The following ECT2L variants were observed in gnomAD, a reference collection of about 807,000 sequenced individuals.
The protein encoded by ECT2L is epithelial cell-transforming sequence 2 oncogene-like.
ECT2L carries 126 observed loss-of-function variants against 122.8 expected under a neutral mutation model. The ratio of observed to expected loss-of-function variants is 1.03; its 90% CI spans 0.89 to 1.19. The LOEUF is 1.19. Ranked by LOEUF, ECT2L falls within the 50% of genes most tolerant of loss-of-function variation. ECT2L has a pLI of 0.00. For missense variants in ECT2L, 1,012 were observed against 1,064.1 expected, an observed-to-expected ratio of 0.95 and a Z score of 0.68; for synonymous variants, 385 against 381.8, an observed-to-expected ratio of 1.01 and a Z score of -0.10.
intron 4 of ECT2L, among the ~76,000 whole-genome samples, chr6:138,832,297 C>T (rs17067944): frequency 0.07 from 10,538 of 151,564 alleles, 674 homozygotes; most frequent in East Asian, 0.27. Flanking sequence ...CTTTCATTAC[C>T]TTCAGTTCTG....
At chr6:138,881,531 T>C (rs954118750) in intron 15 of ECT2L, among the ~76,000 whole-genome samples, 7 of 151,924 alleles carry the variant, frequency 4.6e-5, no homozygotes, top group Non-Finnish European at 4.4e-5. Flanking sequence ...ATTACAGTTA[T>C]TGTGCACTTT....
chr6:138,873,872 C>CTGTGTGTG (rs57839466), intron 13 of ECT2L, among the ~76,000 whole-genome samples: 1,761 of 71,334 alleles, frequency 0.025, 24 homozygotes, highest in South Asian at 0.047. Context: ...AAATCCAGGA[C>CTGTGTGTG]TGTGTGTGTG....
chr6:138,878,091 T>A (rs1379802283), intron 14 of ECT2L, among the ~76,000 whole-genome samples: 1 of 152,208 alleles, frequency 6.6e-6, no homozygotes, highest in Non-Finnish European at 1.5e-5. Context: ...AACAAGGCAC[T>A]TATTTAAACA....
At chr6:138,817,873 C>T (rs1473796199) in intron 4 of ECT2L, among the ~76,000 whole-genome samples, 1 of 152,166 alleles carries the variant, frequency 6.6e-6, no homozygotes, top group African/African-American at 2.4e-5. Flanking sequence ...TATGTTATGG[C>T]CCCGTGTCGT....
At chr6:138,876,586 C>A in intron 14 of ECT2L, 28 bp downstream of exon 14, 1 of 1,469,022 alleles carries the variant, frequency 6.8e-7, no homozygotes, top group South Asian at 1.2e-5. Flanking sequence ...GTAACTTTAC[C>A]ATTGGTTTTG....
At chr6:138,802,865 C>T (rs574189397) in intron 1 of ECT2L, among the ~76,000 whole-genome samples, 2 of 152,024 alleles carry the variant, frequency 1.3e-5, no homozygotes, top group African/African-American at 4.8e-5. Flanking sequence ...TCACTTGAGG[C>T]CAGGAGTTCG....
In ECT2L at chr6:138,885,903, C is replaced by T. The variant is rs1263034047; in HGVS notation, c.2259+73C>T. The T allele has an allele frequency of 7.0e-6, 10 of 1,431,160 alleles. No individual in the cohort carries two copies. In the East Asian group the frequency reaches 2.1e-4, roughly 30 times the overall value. The allele number at this position is 1,431,160 out of a possible 1,614,324, so 88.7% of individuals were successfully genotyped here. Reference sequence around the variant, plus strand: ...TTTGTGGTACTCCCACTCAAAGATCCTGAGACACCTTATCTTCTTGTGGGG... The same window carrying T: ...TTTGTGGTACTCCCACTCAAAGATCTTGAGACACCTTATCTTCTTGTGGGG... On this transcript the variant is annotated intron_variant, in intron 18 of 21. Transcript: ENST00000541398.
chr6:138,815,366 G>T (rs2128374408), intron 4 of ECT2L, among the ~76,000 whole-genome samples: 1 of 152,326 alleles, frequency 6.6e-6, no homozygotes, highest in East Asian at 1.9e-4. Context: ...TGAAATTCAA[G>T]ATATGTGTGG....
intron 4 of ECT2L, among the ~76,000 whole-genome samples, chr6:138,825,471 T>C (rs1054884640): frequency 5.9e-5 from 9 of 152,104 alleles, no homozygotes; most frequent in African/African-American, 2.2e-4. Flanking sequence ...TAATCCCAGC[T>C]GCTGGAGAGG....
chr6:138,860,701 G>T (rs947680891), intron 10 of ECT2L, among the ~76,000 whole-genome samples: 1 of 140,072 alleles, frequency 7.1e-6, no homozygotes, highest in Non-Finnish European at 1.6e-5. Context: ...TGCCACTGAA[G>T]GGGCTATTTT....
chr6:138,871,722 C>G (rs1778259652), intron 13 of ECT2L, among the ~76,000 whole-genome samples: 4 of 151,978 alleles, frequency 2.6e-5, no homozygotes, highest in Admixed American at 2.0e-4. Flanking sequence ...AGGAGAATCG[C>G]TGAACCAGGG....
Position 138,838,654 on chromosome 6 carries a change from T to C in ECT2L, c.342+140T>C, listed in dbSNP as rs373593043. On this transcript the variant is annotated intron_variant, in intron 5 of 21. Transcript: ENST00000541398. Reference sequence around the variant, plus strand: ...ATTAACTTACCCTTGAGAGAAAAAATGGGGAAAAGTGAAATACAATAATGT... The same window carrying C: ...ATTAACTTACCCTTGAGAGAAAAAACGGGGAAAAGTGAAATACAATAATGT... 7.9e-5 allele frequency: 57 copies of C among 718,660 alleles called. No homozygotes were observed. In the East Asian group the frequency reaches 1.5e-3, roughly 19 times the overall value. 44.5% of individuals were successfully genotyped at this position (718,660 alleles called of 1,614,324 possible).
chr6:138,855,237 G>C (rs932951845), intron 10 of ECT2L, among the ~76,000 whole-genome samples: 5 of 152,032 alleles, frequency 3.3e-5, no homozygotes, highest in African/African-American at 9.7e-5. Context: ...GTCAGGTGTG[G>C]TGGCTCACAC....
At chr6:138,882,527 C>G (rs1473323828) in intron 15 of ECT2L, among the ~76,000 whole-genome samples, 197 bp from the exon 16 acceptor site, 5 of 152,212 alleles carry the variant, frequency 3.3e-5, no homozygotes, top group Admixed American at 3.3e-4. Context: ...GGATTCCACC[C>G]CGGCCAACCT....
At chr6:138,813,100 T>C (rs1775955289) in intron 2 of ECT2L, 72 bp from the exon 3 acceptor site, 2 of 532,100 alleles carry the variant, frequency 3.8e-6, no homozygotes, top group Non-Finnish European at 3.3e-6. Context: ...TATAATTCTA[T>C]CTATATGTTA....
intron 4 of ECT2L, among the ~76,000 whole-genome samples, chr6:138,827,039 C>T (rs1776475717): frequency 6.6e-6 from 1 of 152,114 alleles, no homozygotes; most frequent in Non-Finnish European, 1.5e-5. Context: ...CCAATTAAAC[C>T]TCTCCTCTTT....
rs373409773 is a variant in ECT2L at position 138,890,690 on chromosome 6, A to G, written c.2414+1659A>G. On this transcript the variant is annotated intron_variant, in intron 20 of 21. Transcript: ENST00000541398. The stretch of plus-strand genomic sequence containing the variant: ...TCTCAAACACTCTTCCTTTCTTTAC[A>G]TAAGTTTGATTTTCTATATCATTTT... Among the ~76,000 whole-genome samples, 22 of 152,026 alleles carry G rather than the reference A, an allele frequency of 1.4e-4. No individual in the cohort carries two copies. The East Asian group carries it at 3.9e-3, about 27-fold the overall frequency.
chr6:138,903,972 T>C lies in ECT2L; in HGVS notation c.*1345T>C, dbSNP rs1779494006. Reference sequence around the variant, plus strand: ...TCAGAAATGAAAATACAAAATCTTCTATTTCTTAAAACTTTAAATCTTGTT... The same window carrying C: ...TCAGAAATGAAAATACAAAATCTTCCATTTCTTAAAACTTTAAATCTTGTT... On this transcript the variant is annotated 3_prime_UTR_variant, in exon 22 of 22. Coordinates refer to ENST00000541398, the MANE Select transcript of ECT2L (RefSeq NM_001077706.3). 6.6e-6 allele frequency: 1 copy of C among 152,226 alleles called. No individual in the cohort carries two copies. The highest frequency in any genetic ancestry group is 2.1e-4 in the South Asian group (1 of 4,834). The allele number at this position is 152,226 out of a possible 1,614,324, so 9.4% of individuals were successfully genotyped here. A position where few individuals can be genotyped will look rare whatever the true frequency, so the allele number is the denominator to read the frequency against.
Position 138,841,419 on chromosome 6 carries a change from A to C in ECT2L, c.343-1560A>C, listed in dbSNP as rs570639385. ...CTAGTGCTAGGAACAAATCCTACAA[A>C]TCCAGTCAAGGAATGAGATGTTTCA... On this transcript the variant is annotated intron_variant, in intron 5 of 21. Coordinates refer to ENST00000541398, the MANE Select transcript of ECT2L (RefSeq NM_001077706.3). Among the ~76,000 whole-genome samples, 4 of 152,304 alleles carry C rather than the reference A, an allele frequency of 2.6e-5. No individual in the cohort carries two copies. In the East Asian group the frequency reaches 7.7e-4, roughly 29 times the overall value.
Sources: gnomAD v4.1 joint callset for allele counts (sites outside exome capture counted in the v4.1 genomes callset) on GRCh38, gnomAD v4.1.1 for gene constraint, MANE v1.5 for transcripts, NCBI Gene and HGNC (gene_info 2026-07-23, HGNC 2026-07-21) for gene names.